Variants in RECQL4 observed in about 807,000 individuals in gnomAD.
The protein encoded by RECQL4 is RecQ like helicase 4, also known as ATP-dependent DNA helicase Q4.
In RECQL4, 158 loss-of-function variants were observed where a neutral mutation model predicts 128.6. The observed-to-expected ratio is 1.23, with a 90% CI of 1.08 to 1.40. The LOEUF is 1.40. Ranked by LOEUF, RECQL4 falls within the 40% of genes most tolerant of loss-of-function variation. The probability of loss-of-function intolerance (pLI) is 0.00; values close to 1 mark genes in which losing one functional copy is unlikely to be tolerated. For missense variants in RECQL4, 2,293 were observed against 1,649.8 expected (o/e 1.39, Z -6.75); for synonymous variants, 996 against 678.9 (o/e 1.47, Z -7.26).
In RECQL4 at chr8:144,514,028, G is replaced by A. The variant is rs1478522762; in HGVS notation, c.1958C>T (p.Ala653Val). 4 of 1,574,612 alleles carry A rather than the reference G, an allele frequency of 2.5e-6. No individual in the cohort carries two copies. The highest frequency in any genetic ancestry group is 3.4e-6 in the Non-Finnish European group (4 of 1,161,102). ...TATRRTASDV[A>V]QHLAVAEEPD... ...CTCTTCAGCCACAGCCAGGTGCTGT[G>A]CCACGTCACTGGCAGTGCGGCGTGT... Residue 653 changes from alanine to valine, a missense_variant, in exon 12 of 21, where the codon GCA (alanine) becomes GTA (valine). Coordinates refer to ENST00000617875, the MANE Select transcript of RECQL4 (RefSeq NM_004260.4).
intron 4 of RECQL4, 101 bp downstream of exon 4, chr8:144,516,949 A>T: frequency 1.3e-6 from 2 of 1,486,732 alleles, no homozygotes; most frequent in Non-Finnish European, 9.1e-7. Flanking sequence ...TGGTTGGCAC[A>T]GGGGCCCGTG....
chr8:144,515,696 C>A, intron 6 of RECQL4, 68 bp downstream of exon 6: 2 of 1,570,302 alleles, frequency 1.3e-6, no homozygotes, highest in South Asian at 2.3e-5. Context: ...ACATAAGTGT[C>A]CCCCAAAAGA....
Position 144,516,730 on chromosome 8 carries a change from A to G in RECQL4, c.389T>C (p.Leu130Pro). The change falls in exon 5 of 21, where the codon CTA becomes CCA. Residue 130 changes from leucine to proline, a missense_variant. By Grantham distance (98) the Leu-to-Pro change is moderately conservative. Coordinates refer to ENST00000617875, the MANE Select transcript of RECQL4 (RefSeq NM_004260.4). ...GGATGCCTTAGATGAGGCTCTTCCT[A>G]GAGGCCACGGTCTGCGGCCCAGGGC... ...GPALGRRPWP[L>P]GRASSKASTP... 6.5e-7 allele frequency: 1 copy of G among 1,534,898 alleles called. No homozygotes were observed. The highest frequency in any genetic ancestry group is 8.7e-7 in the Non-Finnish European group (1 of 1,144,324).
At position 144,516,066 on chromosome 8, in the gene RECQL4, G is replaced by A. The variant is rs1355050231; in HGVS notation, c.1053C>T (p.Gly351=). 6 of 1,612,724 alleles carry A rather than the reference G, an allele frequency of 3.7e-6. No homozygotes were observed. Among genetic ancestry groups the A allele is most frequent in the South Asian group, 1.1e-5 (1 of 91,086 alleles). Residue 351 remains glycine, a synonymous_variant, in exon 5 of 21, where the codon GGC becomes GGT. Coordinates refer to ENST00000617875, the MANE Select transcript of RECQL4 (RefSeq NM_004260.4). ...GCTTCATGTTGAGCCGTACGTAATT[G>A]CCCCTGTCATGGCGGGCCAGCCGAG... is the stretch of plus-strand genomic sequence containing the variant. ...IFPRLARHDR[G]NYVRLNMKQK...
intron 6 of RECQL4, 25 bp downstream of exon 6, chr8:144,515,739 C>A (rs369278384): frequency 5.8e-5 from 93 of 1,610,204 alleles, no homozygotes; most frequent in Admixed American, 8.4e-5. Context: ...TTGGCCGGAC[C>A]CACCCTCCAG....
intron 5 of RECQL4, 32 bp from the exon 6 acceptor site, chr8:144,515,922 G>A (rs1414140924): frequency 6.8e-6 from 11 of 1,612,610 alleles, no homozygotes; most frequent in Admixed American, 5.0e-5. Flanking sequence ...GGGTCACTGG[G>A]CGGGAAATAC....
rs757540549 is a variant in RECQL4, at chr8:144,513,060, G to A, written c.2542C>T (p.Arg848Cys). The A allele has an allele frequency of 3.5e-5, 55 of 1,580,380 alleles. No homozygotes were observed. Among genetic ancestry groups the A allele is most frequent in the Non-Finnish European group, 3.8e-5 (44 of 1,164,046 alleles). ...GTGCAGGTGCAGGCTGGGAACACGC[G>A]CTGTACCAGCCTCTTCACAGCCAGG... is the stretch of plus-strand genomic sequence containing the variant. ...DFLAVKRLVQ[R>C]VFPACTCTCT... is the part of the protein sequence containing the mutation. The change falls in exon 15 of 21, where the codon CGC becomes TGC. Residue 848 changes from arginine to cysteine, a missense_variant. By Grantham distance (180) the Arg-to-Cys change is radical (BLOSUM62 -3). Coordinates refer to ENST00000617875, the MANE Select transcript of RECQL4 (RefSeq NM_004260.4).
chr8:144,516,371 C>G lies in RECQL4; in HGVS notation c.748G>C (p.Gly250Arg). 4 of 1,610,156 alleles carry G rather than the reference C, an allele frequency of 2.5e-6. No individual in the cohort carries two copies. The highest frequency in any genetic ancestry group is 1.1e-5 in the South Asian group (1 of 91,014). The change falls in exon 5 of 21, where the codon GGG (glycine) becomes CGG (arginine). Residue 250 changes from glycine (G) to arginine (R), a missense_variant. Coordinates refer to ENST00000617875, the MANE Select transcript of RECQL4 (RefSeq NM_004260.4). ...SAFQEVSIRV[G>R]SPQPSSSGGE... ...CCACTGCTGCTGGGCTGGGGGCTCCCCACACGGATGCTGACTTCTTGGAAG... is the reference window on the plus strand; with the variant it reads ...CCACTGCTGCTGGGCTGGGGGCTCCGCACACGGATGCTGACTTCTTGGAAG...
intron 6 of RECQL4, 91 bp from the exon 7 acceptor site, chr8:144,515,548 C>A: frequency 6.3e-7 from 1 of 1,577,872 alleles, no homozygotes; most frequent in Non-Finnish European, 8.7e-7. Flanking sequence ...AGGGGGTTGG[C>A]AGCAGGCAGT....
rs767538015 is a variant in RECQL4, at chr8:144,514,960, G to A, written c.1596C>T (p.Pro532=). The A allele has an allele frequency of 1.2e-4, 196 of 1,611,684 alleles. No individual in the cohort carries two copies. Among genetic ancestry groups the A allele is most frequent in the Admixed American group, 8.8e-4 (53 of 59,930 alleles). ...CCTGGTCATCCATGAGTGACAGCAG[G>A]GGAGAGACGACCAACGTGAGGCAGG... The part of the protein sequence containing the change: ...RSPCLTLVVS[P]LLSLMDDQVS... The change falls in exon 9 of 21, where the codon CCC becomes CCT. Residue 532 remains proline, a synonymous_variant. Coordinates refer to ENST00000617875, the MANE Select transcript of RECQL4 (RefSeq NM_004260.4).
Position 144,515,445 on chromosome 8 carries a change from T to G in RECQL4, c.1271A>C (p.Asp424Ala). ...AQCPRPASEEDTDAVGPEPLV... is the reference protein window; with the variant it reads ...AQCPRPASEEATDAVGPEPLV... ...TGGCTCAGGCCCAACAGCATCTGTG[T>G]CTTCCTCACTTGCTGGGGCAGGCAG... The change falls in exon 7 of 21, where the codon GAC (aspartate) becomes GCC (alanine). Residue 424 changes from aspartate to alanine, a missense_variant. By Grantham distance (126) the Asp-to-Ala change is moderately radical. Transcript: ENST00000617875. 1 of 1,612,764 alleles carries G rather than the reference T, an allele frequency of 6.2e-7. No homozygotes were observed.
At position 144,513,255 on chromosome 8, in the gene RECQL4, C is replaced by T. The variant is rs550469990; in HGVS notation, c.2426G>A (p.Gly809Glu). Residue 809 changes from glycine to glutamate, a missense_variant, in exon 14 of 21, where the codon GGG (glycine) becomes GAG (glutamate). Transcript: ENST00000617875. ...GAAGAGGTGGCAGTGGGCAGGCTGC[C>T]CGTCACGCCCGGCCCGGCCCACGGC... ...VQAVGRAGRD[G>E]QPAHCHLFLQ... 297 of 1,590,480 alleles carry T rather than the reference C, an allele frequency of 1.9e-4. No individual in the cohort carries two copies. The highest frequency in any genetic ancestry group is 9.8e-4 in the Admixed American group (58 of 59,460).
In RECQL4 at chr8:144,515,795, G is replaced by A. The variant is rs1060504219; in HGVS notation, c.1227C>T (p.Phe409=). ...TKESCFLNEQ[F]DHWAAQCPRP... ...GGGGACACTGGGCTGCCCAGTGATC[G>A]AACTGCTCGTTCAGGAAACAAGACT... Residue 409 remains phenylalanine, a synonymous_variant, in exon 6 of 21, where the codon TTC becomes TTT. Transcript: ENST00000617875. 2.4e-5 allele frequency: 39 copies of A among 1,612,434 alleles called. No homozygotes were observed. Among genetic ancestry groups the A allele is most frequent in the Non-Finnish European group, 3.2e-5 (38 of 1,179,720 alleles).
At chr8:144,515,595 G>A in intron 6 of RECQL4, 138 bp from the exon 7 acceptor site, 3 of 1,488,586 alleles carry the variant, frequency 2.0e-6, no homozygotes, top group South Asian at 1.2e-5. Context: ...AAGCAGAAAA[G>A]AGTGACAGCC....
At chr8:144,515,966 T>C (rs1828115236) in intron 5 of RECQL4, 22 bp downstream of exon 5, 1 of 1,611,172 alleles carries the variant, frequency 6.2e-7, no homozygotes, top group Non-Finnish European at 8.5e-7. Flanking sequence ...GGAATGCCTG[T>C]CCTGGCCCGT....
Position 144,515,993 on chromosome 8 carries a change from T to C in RECQL4, c.1126A>G (p.Lys376Glu), listed in dbSNP as rs1490324786. Residue 376 changes from lysine to glutamate, a missense_variant, in exon 5 of 21, where the codon AAG becomes GAG. By Grantham distance (56) the Lys-to-Glu change is moderately conservative. Coordinates refer to ENST00000617875, the MANE Select transcript of RECQL4 (RefSeq NM_004260.4). ...CTGGCCCGTCGCTGTCTTACCTGCT[T>C]GCGGAGGAGCCTGCTACGGAGTGCC... ...GRALRSRLLR[K>E]QAWKQKWRKK... The C allele has an allele frequency of 6.2e-7, 1 of 1,609,406 alleles. No individual in the cohort carries two copies. The highest frequency in any genetic ancestry group is 8.5e-7 in the Non-Finnish European group (1 of 1,177,172).
rs781422768 is a variant in RECQL4, at chr8:144,516,814, C to T, written c.355-50G>A. 7.4e-6 allele frequency: 11 copies of T among 1,493,534 alleles called. No individual in the cohort carries two copies. In the African/African-American group the frequency reaches 8.4e-5, roughly 11 times the overall value. 92.5% of individuals were successfully genotyped at this position (1,493,534 alleles called of 1,614,324 possible). A position where few individuals can be genotyped will look rare whatever the true frequency, so the allele number is the denominator to read the frequency against. ...AGGAGGAACTCAGGCCCCTGAGCTA[C>T]TGTAGACTCTAAAACCTACCTGAGT... On this transcript the variant is annotated intron_variant, in intron 4 of 20. Transcript: ENST00000617875.
In RECQL4 at chr8:144,511,517, G is replaced by C; in HGVS notation, c.3541C>G (p.Arg1181Gly). The C allele has an allele frequency of 6.2e-7, 1 of 1,612,544 alleles. No homozygotes were observed. The change falls in exon 21 of 21, where the codon CGA becomes GGA. Residue 1181 changes from arginine to glycine, a missense_variant. Transcript: ENST00000617875. ...CYPAQVYGQD[R>G]RFWRKYLHLS... ...TGCAGGTATTTTCTCCAGAAGCGTC[G>C]GTCCTGCCCGTACACCTGGGCCGGG...
Position 144,514,443 on chromosome 8 carries a change from T to A in RECQL4, c.1703A>T (p.Lys568Met). The change falls in exon 10 of 21, where the codon AAG (lysine) becomes ATG (methionine). Residue 568 changes from lysine (K) to methionine (M), a missense_variant and splice_region_variant. By Grantham distance (95) the Lys-to-Met change is moderately conservative. Transcript: ENST00000617875. Reference sequence around the variant, plus strand: ...CCCCTAGGCCCATGAGGCCCCCACCTTCTGCAGGACAGATTCCCGTTGCTT... The same window carrying A: ...CCCCTAGGCCCATGAGGCCCCCACCATCTGCAGGACAGATTCCCGTTGCTT... ...TRKQRESVLQ[K>M]IRAAQVHVLM... 6.2e-7 allele frequency: 1 copy of A among 1,611,544 alleles called. No individual in the cohort carries two copies. The highest frequency in any genetic ancestry group is 8.5e-7 in the Non-Finnish European group (1 of 1,179,082).
Sources: gnomAD v4.1 joint callset for allele counts on GRCh38, gnomAD v4.1.1 for gene constraint, MANE v1.5 for transcripts, NCBI Gene and HGNC (gene_info 2026-07-23, HGNC 2026-07-21) for gene names.